XKR6: variants seen among roughly 807,000 people sequenced by gnomAD.
XKR6 encodes XK-related protein 6.
A neutral mutation model predicts 56.7 loss-of-function variants in XKR6; 22 were observed. The ratio of observed to expected loss-of-function variants is 0.39; its 90% CI spans 0.28 to 0.55. The LOEUF (loss-of-function observed/expected upper bound fraction) is 0.55. XKR6 is among the 20% of genes least tolerant of loss of function. XKR6 has a pLI of 0.66. For synonymous variants in XKR6, 524 were observed against 387.8 expected (o/e 1.35, Z -4.13); for missense variants, 852 against 889.0 (o/e 0.96, Z 0.53).
chr8:11,128,386 T>C (rs998814244), intron 1 of XKR6, among the ~76,000 whole-genome samples: 5 of 152,230 alleles, frequency 3.3e-5, no homozygotes, highest in African/African-American at 1.2e-4. Flanking sequence ...CCAGATTTTA[T>C]AGGTCTCAGT....
At chr8:11,024,204 G>GGGGTGTGTGTGTGT (rs1260231733) in intron 1 of XKR6, among the ~76,000 whole-genome samples, 2 of 136,902 alleles carry the variant, frequency 1.5e-5, no homozygotes, top group African/African-American at 2.7e-5. Flanking sequence ...CCTGTTAGGA[G>GGGGTGTGTGTGTGT]GTGTGTGTGT....
intron 1 of XKR6, among the ~76,000 whole-genome samples, chr8:10,947,918 C>A (rs1159750130): frequency 1.3e-5 from 2 of 152,144 alleles, no homozygotes; most frequent in Admixed American, 1.3e-4. Context: ...CAGCTCTGGG[C>A]TCAAATGCTC....
chr8:11,198,783 T>C (rs908582671), intron 1 of XKR6, among the ~76,000 whole-genome samples: 1 of 152,146 alleles, frequency 6.6e-6, no homozygotes, highest in Non-Finnish European at 1.5e-5. Flanking sequence ...CACTTCGGCT[T>C]GTTCAGCAGA....
intron 2 of XKR6, among the ~76,000 whole-genome samples, chr8:10,904,226 C>A (rs563834319): frequency 2.6e-4 from 39 of 152,182 alleles, no homozygotes; most frequent in South Asian, 8.3e-4. Context: ...ATGCCCACTG[C>A]GCTGACCTTA....
intron 1 of XKR6, among the ~76,000 whole-genome samples, chr8:11,169,344 T>C (rs966162899): frequency 6.6e-6 from 1 of 152,190 alleles, no homozygotes; most frequent in African/African-American, 2.4e-5. Context: ...TACATTGTGG[T>C]GCATTGGTGA....
intron 2 of XKR6, among the ~76,000 whole-genome samples, chr8:10,921,997 T>A (rs776938416): frequency 1.4e-4 from 22 of 152,346 alleles, no homozygotes; most frequent in South Asian, 1.2e-3. Context: ...AGAGGCTTCA[T>A]ACAGCATGCA....
intron 2 of XKR6, among the ~76,000 whole-genome samples, chr8:10,901,361 A>G (rs1466812894): frequency 6.6e-6 from 1 of 152,066 alleles, no homozygotes; most frequent in Non-Finnish European, 1.5e-5. Flanking sequence ...CAGCCTAGAG[A>G]CAGAGTTTCA....
At chr8:11,096,734 G>T (rs1179862167) in intron 1 of XKR6, among the ~76,000 whole-genome samples, 1 of 152,218 alleles carries the variant, frequency 6.6e-6, no homozygotes, top group Non-Finnish European at 1.5e-5. Flanking sequence ...CAACAGCTGG[G>T]TCCTTGGGCT....
chr8:10,975,035 C>T (rs2129135071), intron 1 of XKR6, among the ~76,000 whole-genome samples: 1 of 152,260 alleles, frequency 6.6e-6, no homozygotes, highest in Non-Finnish European at 1.5e-5. Flanking sequence ...CACCTCTGCC[C>T]CTTGCTGGCA....
intron 1 of XKR6, among the ~76,000 whole-genome samples, chr8:11,147,934 G>T (rs1291009212): frequency 2.6e-5 from 4 of 152,140 alleles, no homozygotes; most frequent in Non-Finnish European, 4.4e-5. Context: ...TGAGGGCCGG[G>T]TGCAGTGGCT....
chr8:10,993,209 C>A (rs1444988472), intron 1 of XKR6, among the ~76,000 whole-genome samples: 1 of 152,220 alleles, frequency 6.6e-6, no homozygotes, highest in Non-Finnish European at 1.5e-5. Context: ...GCTCTCGCGC[C>A]CAGGCGAGGC....
intron 1 of XKR6, among the ~76,000 whole-genome samples, chr8:11,081,315 C>T (rs1018992321): frequency 1.3e-5 from 2 of 152,182 alleles, no homozygotes; most frequent in African/African-American, 2.4e-5. Flanking sequence ...TGAATCTGTT[C>T]CTGCAGGGGT....
At chr8:11,055,178 AT>A (rs1301525385) in intron 1 of XKR6, among the ~76,000 whole-genome samples, 2 of 152,188 alleles carry the variant, frequency 1.3e-5, no homozygotes, top group African/African-American at 2.4e-5. Flanking sequence ...AGTGAGAGAG[AT>A]TGGGCTCAAC....
chr8:10,986,804 A>G (rs1324995104), intron 1 of XKR6, among the ~76,000 whole-genome samples: 1 of 149,868 alleles, frequency 6.7e-6, no homozygotes, highest in Non-Finnish European at 1.5e-5. Context: ...TTTTTTTAAG[A>G]GATAGGGTTG....
At chr8:10,950,848 C>A (rs1214256359) in intron 1 of XKR6, among the ~76,000 whole-genome samples, 1 of 152,174 alleles carries the variant, frequency 6.6e-6, no homozygotes, top group Non-Finnish European at 1.5e-5. Flanking sequence ...TTCTCAGATG[C>A]CATCCTATCA....
intron 1 of XKR6, among the ~76,000 whole-genome samples, chr8:11,198,100 C>A (rs1206084909): frequency 6.6e-6 from 1 of 152,196 alleles, no homozygotes; most frequent in East Asian, 1.9e-4. Context: ...ACAACTATAA[C>A]CCCAAAAGAT....
chr8:11,147,110 A>G (rs1474760314), intron 1 of XKR6, among the ~76,000 whole-genome samples: 1 of 151,896 alleles, frequency 6.6e-6, no homozygotes, highest in Admixed American at 6.6e-5. Flanking sequence ...AATAATAATA[A>G]TAAATAAATA....
intron 1 of XKR6, chr8:11,194,931 A>G: frequency 1.8e-6 from 1 of 545,754 alleles, no homozygotes; most frequent in Non-Finnish European, 3.2e-6. Context: ...TTCGCTCCAA[A>G]GCATGCCATT....
intron 1 of XKR6, among the ~76,000 whole-genome samples, chr8:11,158,119 A>G (rs1483277689): frequency 2.0e-5 from 3 of 152,164 alleles, no homozygotes; most frequent in African/African-American, 4.8e-5. Context: ...ACATTCAAGC[A>G]TGGTGTTGTG....
Sources: gnomAD v4.1 joint callset for allele counts (sites outside exome capture counted in the v4.1 genomes callset) on GRCh38, gnomAD v4.1.1 for gene constraint, MANE v1.5 for transcripts, NCBI Gene and HGNC (gene_info 2026-07-23, HGNC 2026-07-21) for gene names.